Variants in DOCK8 observed in about 807,000 individuals in gnomAD.
The protein encoded by DOCK8 is dedicator of cytokinesis 8, also known as dedicator of cytokinesis protein 8.
A neutral mutation model predicts 245.6 loss-of-function variants in DOCK8; 141 were observed. The observed-to-expected ratio is 0.57, with a 90% CI of 0.50 to 0.66. The LOEUF is 0.66. Among genes scored for constraint, DOCK8 ranks in the 30% least tolerant of loss-of-function variants. The pLI is 0.00. For synonymous variants in DOCK8, 1,168 were observed against 970.2 expected (o/e 1.20, Z -3.79); for missense variants, 2,965 against 2,603.4 (o/e 1.14, Z -3.02).
intron 13 of DOCK8, among the ~76,000 whole-genome samples, chr9:339,471 G>A (rs2051473746): frequency 6.6e-6 from 1 of 152,162 alleles, no homozygotes; most frequent in African/African-American, 2.4e-5. Context: ...CGGCAGCCCT[G>A]GAGGTACTTC....
chr9:330,285 A>T (rs946781053), intron 9 of DOCK8, among the ~76,000 whole-genome samples: 3 of 152,222 alleles, frequency 2.0e-5, no homozygotes, highest in Non-Finnish European at 4.4e-5. Context: ...AAAATTGTTT[A>T]AAAATTGGTA....
intron 14 of DOCK8, among the ~76,000 whole-genome samples, chr9:351,235 G>A: frequency 6.6e-6 from 1 of 152,178 alleles, no homozygotes; most frequent in East Asian, 1.9e-4. Flanking sequence ...CAGAGAGAAG[G>A]TTTTGATGTG....
chr9:365,298 G>A (rs906033497), intron 14 of DOCK8, among the ~76,000 whole-genome samples: 4 of 152,190 alleles, frequency 2.6e-5, no homozygotes, highest in African/African-American at 4.8e-5. Context: ...TGGAGAGACA[G>A]GGACAAGGTA....
chr9:272,952 T>G (rs2048203857), intron 2 of DOCK8: 1 of 779,090 alleles, frequency 1.3e-6, no homozygotes, highest in African/African-American at 1.9e-5. Flanking sequence ...CTGCTTATCT[T>G]GAAGAGGTTA....
chr9:395,813 T>C (rs1277910837), intron 24 of DOCK8, among the ~76,000 whole-genome samples: 1 of 151,944 alleles, frequency 6.6e-6, no homozygotes, highest in Non-Finnish European at 1.5e-5. Flanking sequence ...ATTGAGATAG[T>C]ATTATTCTAG....
At chr9:387,745 C>G (rs530129817) in intron 23 of DOCK8, among the ~76,000 whole-genome samples, 2 of 152,296 alleles carry the variant, frequency 1.3e-5, no homozygotes, top group African/African-American at 4.8e-5. Flanking sequence ...AGTCCACTTG[C>G]TCTAAAATTT....
At position 386,336 on chromosome 9, in the gene DOCK8, C is replaced by T. The variant is rs375198959; in HGVS notation, c.2784C>T (p.Ala928=). 8 of 1,613,490 alleles carry T rather than the reference C, an allele frequency of 5.0e-6. No individual in the cohort carries two copies. Among genetic ancestry groups the T allele is most frequent in the South Asian group, 2.2e-5 (2 of 91,044 alleles). Residue 928 remains alanine (A), a synonymous_variant, in exon 23 of 48, where the codon GCC becomes GCT. Transcript: ENST00000432829. ...CCATGGTTTGTGTATTTTAGATCGC[C>T]GATCGCAACTGCAGCCGAATGTCTT... The part of the protein sequence containing the change: ...EVKNIMSSKI[A]DRNCSRMSYY...
chr9:415,204 G>C (rs2055936052), intron 29 of DOCK8, among the ~76,000 whole-genome samples: 1 of 152,008 alleles, frequency 6.6e-6, no homozygotes, highest in African/African-American at 2.4e-5. Context: ...TTCATTCATT[G>C]ATCTGCTAGT....
chr9:456,579 T>A (rs926239382), intron 46 of DOCK8: 8 of 152,198 alleles, frequency 5.3e-5, no homozygotes, highest in African/African-American at 1.9e-4. Context: ...TCAGCTGTAG[T>A]GGAAGCAGAA....
rs1308904870 is a variant in DOCK8 at position 325,756 on chromosome 9, A to G, written c.894+19A>G. Reference sequence around the variant, plus strand: ...GAAAAAGGTAAGAAAGCAAAGAAAAATCCATCCCTAAGGCACATATATTGT... The same window carrying G: ...GAAAAAGGTAAGAAAGCAAAGAAAAGTCCATCCCTAAGGCACATATATTGT... On this transcript the variant is annotated intron_variant, in intron 8 of 47. Transcript: ENST00000432829. The G allele has an allele frequency of 8.7e-6, 14 of 1,604,222 alleles. No homozygotes were observed. The highest frequency in any genetic ancestry group is 1.0e-5 in the Non-Finnish European group (12 of 1,171,244).
intron 43 of DOCK8, 90 bp downstream of exon 43, chr9:443,606 TC>T: frequency 9.5e-7 from 1 of 1,049,394 alleles, no homozygotes; most frequent in Non-Finnish European, 1.5e-6. Context: ...CTATCTGGAC[TC>T]TCCAAGTCAC....
At chr9:223,572 C>A (rs142307920) in intron 1 of DOCK8, among the ~76,000 whole-genome samples, 2 of 151,644 alleles carry the variant, frequency 1.3e-5, no homozygotes, top group Non-Finnish European at 2.9e-5. Context: ...GAATTATTCT[C>A]AGGGACTGGA....
chr9:390,710 A>G, intron 24 of DOCK8, 144 bp downstream of exon 24: 1 of 760,890 alleles, frequency 1.3e-6, no homozygotes. Flanking sequence ...CACCCCTCCC[A>G]TCCTTCTTCC....
In DOCK8 at chr9:249,880, G is replaced by A. The variant is rs184126907; in HGVS notation, c.54-21747G>A. Among the ~76,000 whole-genome samples, 504 of 151,752 alleles carry A rather than the reference G, an allele frequency of 3.3e-3. 2 individuals are homozygous for A. Among genetic ancestry groups the A allele is most frequent in the Non-Finnish European group, 4.6e-3 (315 of 67,952 alleles). Reference sequence around the variant, plus strand: ...TGACCTCAAGCGACGCCCCCGCCTCGGCATCCCAAAGTGCTGGGATTACAG... The same window carrying A: ...TGACCTCAAGCGACGCCCCCGCCTCAGCATCCCAAAGTGCTGGGATTACAG... On this transcript the variant is annotated intron_variant, in intron 1 of 47. Transcript: ENST00000432829.
chr9:361,599 A>G (rs944838086), intron 14 of DOCK8, among the ~76,000 whole-genome samples: 4 of 152,168 alleles, frequency 2.6e-5, no homozygotes, highest in African/African-American at 9.7e-5. Flanking sequence ...TCTAATCACA[A>G]GTCTCCATAA....
intron 20 of DOCK8, 147 bp from the exon 21 acceptor site, chr9:379,624 C>A: frequency 1.2e-6 from 1 of 823,856 alleles, no homozygotes; most frequent in Non-Finnish European, 2.0e-6. Flanking sequence ...GCCAGCATGC[C>A]AGAGCTCACC....
intron 4 of DOCK8, among the ~76,000 whole-genome samples, chr9:298,821 A>C (rs1360453087): frequency 6.6e-6 from 1 of 152,096 alleles, no homozygotes; most frequent in East Asian, 1.9e-4. Context: ...TCTGTGGCCC[A>C]AAAGTCTCCT....
intron 9 of DOCK8, among the ~76,000 whole-genome samples, chr9:330,131 C>T (rs2050942384): frequency 6.6e-6 from 1 of 152,070 alleles, no homozygotes; most frequent in South Asian, 2.1e-4. Flanking sequence ...TCATCTAGTT[C>T]AGGTGTTGCA....
In DOCK8 at chr9:372,222, G is replaced by C. The variant is rs1193706484; in HGVS notation, c.2045G>C (p.Gly682Ala). The change falls in exon 18 of 48, where the codon GGA (glycine) becomes GCA (alanine). Residue 682 changes from glycine (G) to alanine (A), a missense_variant. This residue lies in a region of DOCK8 where 2,825 missense variants were observed against 2,453.5 expected (regional missense o/e 1.15). Coordinates refer to ENST00000432829, the MANE Select transcript of DOCK8 (RefSeq NM_203447.4). ...PILLNERLQT[G>A]SYCLPVALEK... ...CTCTTAAATGAACGTCTTCAAACTG[G>C]ATCCTACTGTCTCCCAGTTGCCTTG... 1 of 1,614,090 alleles carries C rather than the reference G, an allele frequency of 6.2e-7. No individual in the cohort carries two copies. Among genetic ancestry groups the C allele is most frequent in the Admixed American group, 1.7e-5 (1 of 60,020 alleles).
Sources: allele counts gnomAD v4.1 joint callset (sites outside exome capture counted in the v4.1 genomes callset), GRCh38; gene constraint gnomAD v4.1.1; regional missense constraint gnomAD v4.1.1; transcripts MANE v1.5; gene names NCBI Gene and HGNC (gene_info 2026-07-23, HGNC 2026-07-21).